The following PPM1H variants were observed in gnomAD, a reference collection of about 807,000 sequenced individuals.
The protein encoded by PPM1H is protein phosphatase, Mg2+/Mn2+ dependent 1H.
PPM1H carries 27 observed loss-of-function variants against 54.9 expected under a neutral mutation model. That is an observed-to-expected ratio of 0.49 (90% CI 0.36 to 0.68). The LOEUF (loss-of-function observed/expected upper bound fraction) is 0.68, where lower values mean the gene tolerates loss of function less well. Ranked by LOEUF, PPM1H falls within the 30% of genes least tolerant of loss-of-function variation. The pLI is 0.00. For synonymous variants in PPM1H, 305 were observed against 270.8 expected (o/e 1.13, Z -1.24); for missense variants, 596 against 667.8 (o/e 0.89, Z 1.19).
chr12:62,716,326 C>T lies in PPM1H; in HGVS notation c.1073+3845G>A, dbSNP rs114481924. 5.4e-3 allele frequency among the ~76,000 whole-genome samples: 830 copies of T among 152,298 alleles called. 6 individuals are homozygous for T. Among genetic ancestry groups the T allele is most frequent in the African/African-American group, 0.019 (798 of 41,554 alleles). ...ACTTAGCTCTGTGCCTCAGTTTCCT[C>T]ATCTGTAAAATGTACCTAGTTCACA... is the stretch of plus-strand genomic sequence containing the variant. On this transcript the variant is annotated intron_variant, in intron 6 of 9. Transcript: ENST00000228705.
At chr12:62,672,996 T>C (rs911149978) in intron 8 of PPM1H, among the ~76,000 whole-genome samples, 15 of 152,216 alleles carry the variant, frequency 9.9e-5, no homozygotes, top group African/African-American at 3.6e-4. Context: ...TTCACGGTGA[T>C]CCAACAGATT....
At chr12:62,904,871 C>A (rs1445151874) in intron 1 of PPM1H, among the ~76,000 whole-genome samples, 1 of 152,192 alleles carries the variant, frequency 6.6e-6, no homozygotes, top group Non-Finnish European at 1.5e-5. Context: ...TCAATGCAAA[C>A]CTATAAGCTT....
intron 4 of PPM1H, among the ~76,000 whole-genome samples, chr12:62,760,330 T>G (rs763161132): frequency 1.5e-4 from 23 of 152,126 alleles, no homozygotes; most frequent in Non-Finnish European, 2.9e-4. Flanking sequence ...ACCTGTCCCT[T>G]CAGTCCCAAC....
At chr12:62,824,242 A>C (rs1432790575) in intron 2 of PPM1H, among the ~76,000 whole-genome samples, 1 of 152,202 alleles carries the variant, frequency 6.6e-6, no homozygotes, top group Non-Finnish European at 1.5e-5. Context: ...TGCTCAATGA[A>C]ATAAAAGAGG....
At chr12:62,795,167 T>C (rs1565790730) in intron 3 of PPM1H, among the ~76,000 whole-genome samples, 1 of 152,170 alleles carries the variant, frequency 6.6e-6, no homozygotes, top group Non-Finnish European at 1.5e-5. Flanking sequence ...AAGAAGCTTA[T>C]AGTATTTGAT....
intron 1 of PPM1H, among the ~76,000 whole-genome samples, chr12:62,917,925 C>A (rs1871674042): frequency 6.6e-6 from 1 of 152,128 alleles, no homozygotes; most frequent in Non-Finnish European, 1.5e-5. Flanking sequence ...ATTTTCAATT[C>A]ACTTCCACTT....
At chr12:62,806,176 G>C (rs1485029043) in intron 2 of PPM1H, among the ~76,000 whole-genome samples, 1 of 151,276 alleles carries the variant, frequency 6.6e-6, no homozygotes, top group East Asian at 1.9e-4. Context: ...AATACTGAAG[G>C]CTTTTTTTTT....
intron 6 of PPM1H, among the ~76,000 whole-genome samples, chr12:62,715,561 C>T (rs546073991): frequency 5.3e-5 from 8 of 152,144 alleles, no homozygotes; most frequent in South Asian, 2.1e-4. Flanking sequence ...CCACAGTCTC[C>T]GTGAAAGCAT....
chr12:62,683,040 TTA>T lies in PPM1H; in HGVS notation c.1245+6657_1245+6658del, dbSNP rs1284652379. 2.4e-4 allele frequency among the ~76,000 whole-genome samples: 9 copies of T among 36,828 alleles called. No homozygotes were observed. The East Asian group carries it at 3.0e-3, about 12-fold the overall frequency. 24.2% of individuals were successfully genotyped at this position (36,828 alleles called of 152,430 possible). On this transcript the variant is annotated intron_variant, in intron 8 of 9. Coordinates refer to ENST00000228705, the MANE Select transcript of PPM1H (RefSeq NM_020700.2). Reference sequence around the variant, plus strand: ...ATTTGGGAGAGTTTATTATTTATTATTATTATTATTATTATTATTATTATTAT... The same window carrying T: ...ATTTGGGAGAGTTTATTATTTATTATTTATTATTATTATTATTATTATTAT...
In PPM1H at chr12:62,770,407, C is replaced by T. The variant is rs1005968056; in HGVS notation, c.869+17819G>A. Among the ~76,000 whole-genome samples, 16 of 152,146 alleles carry T rather than the reference C, an allele frequency of 1.1e-4. 1 individual carries two copies. Among genetic ancestry groups the T allele is most frequent in the Middle Eastern group, 3.2e-3 (1 of 316 alleles). On this transcript the variant is annotated intron_variant, in intron 4 of 9. Coordinates refer to ENST00000228705, the MANE Select transcript of PPM1H (RefSeq NM_020700.2). The stretch of plus-strand genomic sequence containing the variant: ...AGTCACAGAAGCCAGGACCTGAATC[C>T]AGCTTTTGTTTCTCCAGAATCTGTG...
At chr12:62,694,399 G>A (rs2076102127) in intron 6 of PPM1H, among the ~76,000 whole-genome samples, 1 of 152,202 alleles carries the variant, frequency 6.6e-6, no homozygotes, top group Non-Finnish European at 1.5e-5. Flanking sequence ...CTCACCTTCA[G>A]GGGTTGTTTA....
chr12:62,892,033 C>T (rs1019780021), intron 1 of PPM1H, among the ~76,000 whole-genome samples: 32 of 152,198 alleles, frequency 2.1e-4, no homozygotes, highest in African/African-American at 7.5e-4. Flanking sequence ...TCAGCCACCA[C>T]CAATTGTGCA....
chr12:62,900,969 C>A (rs1871151291), intron 1 of PPM1H, among the ~76,000 whole-genome samples: 1 of 152,190 alleles, frequency 6.6e-6, no homozygotes, highest in Non-Finnish European at 1.5e-5. Context: ...TGAGATCTCA[C>A]CCTCTCTAAA....
intron 4 of PPM1H, among the ~76,000 whole-genome samples, chr12:62,760,137 G>A (rs1164155682): frequency 1.3e-5 from 2 of 152,104 alleles, no homozygotes; most frequent in Non-Finnish European, 2.9e-5. Flanking sequence ...ACTCGACAAT[G>A]GTTCTAAATA....
chr12:62,927,189 C>T (rs1171564560), intron 1 of PPM1H, among the ~76,000 whole-genome samples: 1 of 152,166 alleles, frequency 6.6e-6, no homozygotes, highest in African/African-American at 2.4e-5. Context: ...TGTGAATGTG[C>T]ATAGCTTCTA....
chr12:62,654,660 G>A (rs2075834719), intron 9 of PPM1H, among the ~76,000 whole-genome samples: 1 of 152,152 alleles, frequency 6.6e-6, no homozygotes, highest in African/African-American at 2.4e-5. Context: ...TTTTGTCCCT[G>A]GGCTGAATTC....
intron 1 of PPM1H, among the ~76,000 whole-genome samples, chr12:62,895,008 G>A (rs1056463744): frequency 6.6e-6 from 1 of 152,210 alleles, no homozygotes; most frequent in Non-Finnish European, 1.5e-5. Context: ...AGCATCAGTT[G>A]TTTATTCTAG....
chr12:62,828,057 T>A (rs1263475738), intron 2 of PPM1H, among the ~76,000 whole-genome samples: 1 of 152,158 alleles, frequency 6.6e-6, no homozygotes, highest in African/African-American at 2.4e-5. Context: ...TACAATCCGC[T>A]TTACTTATCT....
intron 8 of PPM1H, among the ~76,000 whole-genome samples, chr12:62,681,004 G>A (rs568480412): frequency 3.3e-5 from 5 of 152,214 alleles, no homozygotes; most frequent in South Asian, 4.2e-4. Context: ...AGACCCTCCC[G>A]CTCTGGGATT....
Sources: gnomAD v4.1 joint callset for allele counts (sites outside exome capture counted in the v4.1 genomes callset) on GRCh38, gnomAD v4.1.1 for gene constraint, MANE v1.5 for transcripts, NCBI Gene and HGNC (gene_info 2026-07-23, HGNC 2026-07-21) for gene names.